Variants in ITPRID1 observed in about 807,000 individuals in gnomAD.
The protein encoded by ITPRID1 is ITPR interacting domain containing 1, also known as protein ITPRID1.
Under a neutral mutation model 95.4 loss-of-function variants are expected in ITPRID1, and 96 were observed. That is an observed-to-expected ratio of 1.01 (90% CI 0.85 to 1.19). The LOEUF is 1.19. Ranked by LOEUF, ITPRID1 falls within the 50% of genes most tolerant of loss-of-function variation. ITPRID1 has a pLI of 0.00. For missense variants in ITPRID1, 1,339 were observed against 1,252.9 expected (o/e 1.07, Z -1.04); for synonymous variants, 510 against 453.6 (o/e 1.12, Z -1.58).
At chr7:31,651,495 CA>C (rs1790945681) in intron 13 of ITPRID1, among the ~76,000 whole-genome samples, 1 of 152,066 alleles carries the variant, frequency 6.6e-6, no homozygotes, top group Admixed American at 6.5e-5. Context: ...GACAGGCAGT[CA>C]GGGGCATTGA....
chr7:31,521,622 CCTT>C (rs1783255791), intron 1 of ITPRID1, among the ~76,000 whole-genome samples: 6 of 11,336 alleles, frequency 5.3e-4, no homozygotes, highest in Non-Finnish European at 7.2e-4. Flanking sequence ...TCCTTTCCCT[CCTT>C]CCTTCCTTCC....
chr7:31,589,338 G>A (rs2128153368), intron 10 of ITPRID1, among the ~76,000 whole-genome samples: 1 of 152,224 alleles, frequency 6.6e-6, no homozygotes, highest in Non-Finnish European at 1.5e-5. Context: ...AAGCCTGTGA[G>A]GCAGTATCAA....
At chr7:31,514,922 T>C (rs1483382854) in intron 1 of ITPRID1, among the ~76,000 whole-genome samples, 1 of 151,822 alleles carries the variant, frequency 6.6e-6, no homozygotes, top group Non-Finnish European at 1.5e-5. Context: ...AATTGTGTTT[T>C]TAGCAGGTAC....
At chr7:31,599,637 C>CTTTCTT in intron 10 of ITPRID1, among the ~76,000 whole-genome samples, 1 of 97,902 alleles carries the variant, frequency 1.0e-5, no homozygotes, top group East Asian at 3.0e-4. Flanking sequence ...TTCTTTCTTT[C>CTTTCTT]TTTCTTTCTT....
chr7:31,623,660 G>C (rs4540320), intron 10 of ITPRID1, among the ~76,000 whole-genome samples: 30,510 of 91,616 alleles, frequency 0.33, 6,591 homozygotes, highest in East Asian at 0.7. Context: ...ACTGAATGGG[G>C]AAAAACTGGA....
chr7:31,630,810 G>A (rs1363977229), intron 10 of ITPRID1, among the ~76,000 whole-genome samples: 3 of 151,624 alleles, frequency 2.0e-5, no homozygotes, highest in Non-Finnish European at 2.9e-5. Context: ...AAATGAATGG[G>A]CAAAATATAC....
chr7:31,637,313 C>T (rs1321801844), intron 10 of ITPRID1, among the ~76,000 whole-genome samples: 1 of 152,172 alleles, frequency 6.6e-6, no homozygotes, highest in Non-Finnish European at 1.5e-5. Flanking sequence ...AATCGCCACA[C>T]TGACTTCCAC....
chr7:31,582,706 G>A (rs557408363), intron 9 of ITPRID1, among the ~76,000 whole-genome samples: 4 of 151,808 alleles, frequency 2.6e-5, no homozygotes, highest in Non-Finnish European at 4.4e-5. Flanking sequence ...AATAAATTTT[G>A]TTCTAGCAAT....
rs1248188595 is a variant in ITPRID1, at chr7:31,651,145, A to C, written c.2587A>C (p.Thr863Pro). ...AGTTCTTTCTCATTGTTCTCAGTGC[A>C]CAGTCCATGAGATGGAAGCCATGAA... ...DTTVRELCSC[T>P]VHEMEAMKTI... The change falls in exon 13 of 15, where the codon ACA (threonine) becomes CCA (proline). Residue 863 changes from threonine to proline, a missense_variant. Thr to Pro is a conservative substitution (Grantham distance 38). Transcript: ENST00000615280. 6.2e-7 allele frequency: 1 copy of C among 1,612,888 alleles called. No individual in the cohort carries two copies. The highest frequency in any genetic ancestry group is 2.2e-5 in the East Asian group (1 of 44,856).
chr7:31,599,302 A>C (rs972687150), intron 10 of ITPRID1, among the ~76,000 whole-genome samples: 28 of 152,216 alleles, frequency 1.8e-4, no homozygotes, highest in African/African-American at 6.5e-4. Context: ...AATTAATCGT[A>C]GTTGGGTACA....
chr7:31,658,386 G>A (rs1791390530), downstream of ITPRID1: 1 of 1,496,016 alleles, frequency 6.7e-7, no homozygotes, highest in Non-Finnish European at 8.8e-7. Context: ...ACTCTGGTCT[G>A]TTGTAATTGT....
At position 31,532,975 on chromosome 7, in the gene ITPRID1, T is replaced by C. The variant is rs189705958; in HGVS notation, c.-97-16451T>C. On this transcript the variant is annotated intron_variant, in intron 1 of 14. Coordinates refer to ENST00000615280, the MANE Select transcript of ITPRID1 (RefSeq NM_001257967.3). ...TTTATTAAGAATACTGGTCTATAAT[T>C]TGTTTTCTTGAAATGCCTTTATCAG... 1.2e-4 allele frequency among the ~76,000 whole-genome samples: 19 copies of C among 152,340 alleles called. No homozygotes were observed. The East Asian group carries it at 3.7e-3, about 29-fold the overall frequency.
intron 1 of ITPRID1, among the ~76,000 whole-genome samples, chr7:31,528,150 T>A (rs924319651): frequency 6.6e-5 from 10 of 152,172 alleles, no homozygotes; most frequent in African/African-American, 2.4e-4. Context: ...TTCTCCTAAT[T>A]TCTAATGCAA....
At chr7:31,586,691 G>GT (rs1399810498) in intron 10 of ITPRID1, among the ~76,000 whole-genome samples, 1 of 152,030 alleles carries the variant, frequency 6.6e-6, no homozygotes, top group Non-Finnish European at 1.5e-5. Context: ...GGGGTTGTCT[G>GT]TTTTTTTCTT....
In ITPRID1 at chr7:31,643,719, C is replaced by T; in HGVS notation, c.2349C>T (p.Val783=). The change falls in exon 12 of 15, where the codon GTC becomes GTT. Residue 783 remains valine (V), a synonymous_variant. Transcript: ENST00000615280. The part of the protein sequence containing the change: ...THGPQPLTKS[V]SLDSGFSSIC... ...GGCCCCAGCCCCTCACCAAATCCGT[C>T]TCTCTAGACTCAGGCTTCTCTAGTA... 1.2e-6 allele frequency: 2 copies of T among 1,614,050 alleles called. No homozygotes were observed. The highest frequency in any genetic ancestry group is 1.1e-5 in the South Asian group (1 of 91,080).
chr7:31,580,862 G>A (rs988785747), intron 9 of ITPRID1, among the ~76,000 whole-genome samples: 4 of 152,142 alleles, frequency 2.6e-5, no homozygotes, highest in Non-Finnish European at 5.9e-5. Flanking sequence ...TTGTGTGTGT[G>A]AGAGACTGTA....
intron 10 of ITPRID1, among the ~76,000 whole-genome samples, chr7:31,627,598 C>T (rs545425583): frequency 1.5e-3 from 202 of 133,612 alleles, no homozygotes; most frequent in African/African-American, 5.4e-3. Context: ...GTCATGGCTA[C>T]GCAGTAAGCT....
intron 10 of ITPRID1, among the ~76,000 whole-genome samples, chr7:31,620,869 G>T (rs1385439610): frequency 6.6e-6 from 1 of 152,040 alleles, no homozygotes; most frequent in African/African-American, 2.4e-5. Flanking sequence ...AAAAAATTTA[G>T]ACGAATGTAT....
chr7:31,550,972 A>G (rs1167266352), intron 2 of ITPRID1, among the ~76,000 whole-genome samples: 1 of 143,950 alleles, frequency 6.9e-6, no homozygotes, highest in East Asian at 2.2e-4. Flanking sequence ...TTTGAATACT[A>G]TCAGCTACCT....
Sources: allele counts gnomAD v4.1 joint callset (sites outside exome capture counted in the v4.1 genomes callset), GRCh38; gene constraint gnomAD v4.1.1; transcripts MANE v1.5; gene names NCBI Gene and HGNC (gene_info 2026-07-23, HGNC 2026-07-21).